The following CHCHD6 variants were observed in gnomAD, a reference collection of about 807,000 sequenced individuals.
The protein encoded by CHCHD6 is coiled-coil-helix-coiled-coil-helix domain containing 6.
In CHCHD6, 28 loss-of-function variants were observed where a neutral mutation model predicts 32.3. The observed-to-expected ratio is 0.87, with a 90% CI of 0.64 to 1.19. The LOEUF (loss-of-function observed/expected upper bound fraction) is 1.19, where lower values mean the gene tolerates loss of function less well. CHCHD6 is among the 50% of genes most tolerant of loss of function. CHCHD6 has a pLI of 0.00. For missense variants in CHCHD6, 333 were observed against 307.0 expected (o/e 1.08, Z -0.63); for synonymous variants, 122 against 117.5 (o/e 1.04, Z -0.25).
chr3:126,913,706 T>C (rs2078128895), intron 5 of CHCHD6, among the ~76,000 whole-genome samples: 1 of 152,188 alleles, frequency 6.6e-6, no homozygotes, highest in Non-Finnish European at 1.5e-5. Flanking sequence ...TGCCTACATG[T>C]CCACATGTGG....
chr3:126,737,206 G>C (rs1408682097), intron 4 of CHCHD6, among the ~76,000 whole-genome samples: 3 of 152,004 alleles, frequency 2.0e-5, no homozygotes, highest in African/African-American at 7.3e-5. Context: ...TGGAATCCCA[G>C]CTACTTGGGA....
intron 5 of CHCHD6, among the ~76,000 whole-genome samples, chr3:126,857,724 G>A (rs912217148): frequency 2.6e-5 from 4 of 152,226 alleles, no homozygotes; most frequent in African/African-American, 9.6e-5. Context: ...CTACATATCA[G>A]GGAAATGCAA....
chr3:126,717,463 G>A (rs530867375), intron 1 of CHCHD6, among the ~76,000 whole-genome samples: 37 of 152,192 alleles, frequency 2.4e-4, no homozygotes, highest in Middle Eastern at 3.4e-3. Context: ...TGACTTACTC[G>A]TAGACCTGTA....
At chr3:126,724,761 T>G (rs1313161918) in intron 1 of CHCHD6, among the ~76,000 whole-genome samples, 1 of 152,242 alleles carries the variant, frequency 6.6e-6, no homozygotes, top group Non-Finnish European at 1.5e-5. Context: ...GATCCTATTC[T>G]AAATCCTTTG....
At chr3:126,817,146 T>C (rs1939942975) in intron 4 of CHCHD6, among the ~76,000 whole-genome samples, 1 of 152,206 alleles carries the variant, frequency 6.6e-6, no homozygotes, top group South Asian at 2.1e-4. Flanking sequence ...AATCGCCGAC[T>C]GCTCTCTCTG....
intron 5 of CHCHD6, among the ~76,000 whole-genome samples, chr3:126,864,060 C>CACG: frequency 6.7e-6 from 1 of 150,282 alleles, no homozygotes; most frequent in Non-Finnish European, 1.5e-5. Flanking sequence ...CTACCATCAC[C>CACG]TCCTCTTCCC....
intron 5 of CHCHD6, among the ~76,000 whole-genome samples, chr3:126,877,896 A>C (rs569009880): frequency 4.0e-4 from 61 of 152,386 alleles, no homozygotes; most frequent in African/African-American, 1.4e-3. Flanking sequence ...TAAAATGTAT[A>C]GTTAAAAAAG....
chr3:126,819,754 C>T (rs1279454209), intron 4 of CHCHD6, among the ~76,000 whole-genome samples: 2 of 152,166 alleles, frequency 1.3e-5, no homozygotes, highest in African/African-American at 2.4e-5. Flanking sequence ...ATGCACACAG[C>T]GGGGATTGGA....
At chr3:126,811,735 T>C (rs553726832) in intron 4 of CHCHD6, among the ~76,000 whole-genome samples, 2 of 152,346 alleles carry the variant, frequency 1.3e-5, no homozygotes, top group East Asian at 1.9e-4. Context: ...GTAATGTGAA[T>C]GGAATGGAAT....
At chr3:126,872,869 CCT>C (rs1431739558) in intron 5 of CHCHD6, among the ~76,000 whole-genome samples, 1 of 152,230 alleles carries the variant, frequency 6.6e-6, no homozygotes, top group African/African-American at 2.4e-5. Context: ...TGCTGATTTC[CCT>C]CGTTTCTCAC....
intron 4 of CHCHD6, among the ~76,000 whole-genome samples, chr3:126,782,185 T>C (rs1937977403): frequency 6.6e-6 from 1 of 152,236 alleles, no homozygotes; most frequent in Non-Finnish European, 1.5e-5. Context: ...ATTATGTCAC[T>C]CACCAGAACC....
intron 1 of CHCHD6, among the ~76,000 whole-genome samples, chr3:126,718,791 G>A (rs1479618780): frequency 1.3e-5 from 2 of 152,200 alleles, no homozygotes; most frequent in Admixed American, 1.3e-4. Flanking sequence ...GTCTGGCTCC[G>A]GAGGCCTCCC....
At chr3:126,774,215 G>A (rs1448539120) in intron 4 of CHCHD6, among the ~76,000 whole-genome samples, 1 of 152,166 alleles carries the variant, frequency 6.6e-6, no homozygotes, top group African/African-American at 2.4e-5. Flanking sequence ...TTTGCTGAGT[G>A]TAACATGTAA....
intron 1 of CHCHD6, among the ~76,000 whole-genome samples, chr3:126,716,943 C>G (rs553486717): frequency 2.0e-5 from 3 of 152,234 alleles, no homozygotes; most frequent in Admixed American, 2.0e-4. Flanking sequence ...CTCTTTTTAT[C>G]GCTTTAGCTT....
chr3:126,839,763 C>T (rs140391703), intron 4 of CHCHD6, among the ~76,000 whole-genome samples: 364 of 152,164 alleles, frequency 2.4e-3, no homozygotes, highest in African/African-American at 7.9e-3. Flanking sequence ...CAATATAATT[C>T]GTTTCTTTGG....
chr3:126,869,553 A>G (rs1199770368), intron 5 of CHCHD6, among the ~76,000 whole-genome samples: 1 of 152,094 alleles, frequency 6.6e-6, no homozygotes, highest in South Asian at 2.1e-4. Context: ...TCATAAGTTT[A>G]TTGGGCCTTT....
intron 6 of CHCHD6, among the ~76,000 whole-genome samples, chr3:126,955,383 C>T (rs2078769505): frequency 6.6e-6 from 1 of 152,236 alleles, no homozygotes; most frequent in Admixed American, 6.5e-5. Flanking sequence ...AGATAAAACC[C>T]CCCCCACCCA....
intron 4 of CHCHD6, among the ~76,000 whole-genome samples, chr3:126,823,431 CT>C (rs1227604846): frequency 6.6e-6 from 1 of 152,058 alleles, no homozygotes; most frequent in East Asian, 1.9e-4. Context: ...ATATATTTCT[CT>C]GTAGTGATCT....
At chr3:126,828,868 T>G (rs1323816352) in intron 4 of CHCHD6, among the ~76,000 whole-genome samples, 1 of 152,210 alleles carries the variant, frequency 6.6e-6, no homozygotes, top group Non-Finnish European at 1.5e-5. Context: ...TGCGTTCCCC[T>G]TTTTGTTTTG....
Sources: allele counts gnomAD v4.1 joint callset (sites outside exome capture counted in the v4.1 genomes callset), GRCh38; gene constraint gnomAD v4.1.1; transcripts MANE v1.5; gene names NCBI Gene and HGNC (gene_info 2026-07-23, HGNC 2026-07-21).